Variants in WDR33 observed in about 807,000 individuals in gnomAD.
WDR33 encodes WD repeat domain 33.
A neutral mutation model predicts 164.9 loss-of-function variants in WDR33; 47 were observed. The observed-to-expected ratio is 0.29, with a 90% CI of 0.23 to 0.36. The LOEUF (loss-of-function observed/expected upper bound fraction) is 0.36, where lower values mean the gene tolerates loss of function less well. Ranked by LOEUF, WDR33 falls within the 10% of genes least tolerant of loss-of-function variation. The pLI, the probability that WDR33 is intolerant of heterozygous loss-of-function variation, is 1.00. For synonymous variants in WDR33, 505 were observed against 589.0 expected, an observed-to-expected ratio of 0.86 and a Z score of 2.06; for missense variants, 1,137 against 1,754.1, an observed-to-expected ratio of 0.65 and a Z score of 6.28.
At chr2:127,744,241 C>T (rs1687105673) in intron 7 of WDR33, among the ~76,000 whole-genome samples, 1 of 152,108 alleles carries the variant, frequency 6.6e-6, no homozygotes, top group Admixed American at 6.6e-5. Flanking sequence ...TGAGTTTATT[C>T]TTAGGAGTCT....
At chr2:127,746,013 A>G (rs1027347705) in intron 7 of WDR33, among the ~76,000 whole-genome samples, 2 of 148,318 alleles carry the variant, frequency 1.3e-5, no homozygotes. Context: ...AGACAGAGCG[A>G]GACTCTGTCT....
At position 127,724,048 on chromosome 2, in the gene WDR33, A is replaced by G. The variant is rs1686505240; in HGVS notation, c.1196+285T>C. 6.6e-6 allele frequency among the ~76,000 whole-genome samples: 1 copy of G among 151,094 alleles called. No individual in the cohort carries two copies. Among genetic ancestry groups the G allele is most frequent in the African/African-American group, 2.5e-5 (1 of 40,722 alleles). ...AGCTGAGACCGCACCATTGCACGCC[A>G]GCCTGGACAGAGACCCTGTCTCAAA... On this transcript the variant is annotated intron_variant, in intron 11 of 21. Coordinates refer to ENST00000322313, the MANE Select transcript of WDR33 (RefSeq NM_018383.5). The surrounding 1 kb of genome is among the most constrained non-coding windows in gnomAD (Gnocchi z 4.8).
chr2:127,755,091 T>C (rs768650114), intron 7 of WDR33, among the ~76,000 whole-genome samples: 1 of 152,212 alleles, frequency 6.6e-6, no homozygotes, highest in Non-Finnish European at 1.5e-5. Context: ...TGAACTCTAA[T>C]TAACCAATCT....
At chr2:127,747,133 T>C (rs1362152279) in intron 7 of WDR33, among the ~76,000 whole-genome samples, 1 of 152,242 alleles carries the variant, frequency 6.6e-6, no homozygotes, top group African/African-American at 2.4e-5. Context: ...CACAAATCTA[T>C]GTGTCTAAAT....
chr2:127,781,999 T>TAAA (rs764718254), intron 1 of WDR33, among the ~76,000 whole-genome samples: 1,704 of 90,100 alleles, frequency 0.019, 64 homozygotes, highest in African/African-American at 0.068. Flanking sequence ...ACTCTTTTTC[T>TAAA]AAAAAAAAAA....
At chr2:127,731,021 C>T (rs4662755) in intron 7 of WDR33, among the ~76,000 whole-genome samples, 1 of 151,782 alleles carries the variant, frequency 6.6e-6, no homozygotes, top group African/African-American at 2.4e-5. Context: ...TGATCAGGCA[C>T]GGTGGCGCAT....
intron 7 of WDR33, among the ~76,000 whole-genome samples, chr2:127,733,446 A>G (rs1183457367): frequency 6.6e-6 from 1 of 152,222 alleles, no homozygotes; most frequent in Non-Finnish European, 1.5e-5. Flanking sequence ...AAATTAAGAC[A>G]TTCCAGTTGT....
rs1687963198 is a variant in WDR33, at chr2:127,770,421, G to A, written c.204+357C>T. On this transcript the variant is annotated intron_variant, in intron 2 of 21. Transcript: ENST00000322313. This position sits in a 1 kb window ranked among gnomAD's most constrained non-coding sequence, Gnocchi z 4.9. Reference sequence around the variant, plus strand: ...TTTAAATAACCAGGCCGGGCGCAGTGGCTCATGCCTGTAATCCCAGCACTT... The same window carrying A: ...TTTAAATAACCAGGCCGGGCGCAGTAGCTCATGCCTGTAATCCCAGCACTT... Among the ~76,000 whole-genome samples, 1 of 152,170 alleles carries A rather than the reference G, an allele frequency of 6.6e-6. No homozygotes were observed. Among genetic ancestry groups the A allele is most frequent in the South Asian group, 2.1e-4 (1 of 4,836 alleles).
chr2:127,788,321 C>T (rs1372869984), intron 1 of WDR33, among the ~76,000 whole-genome samples: 5 of 116,818 alleles, frequency 4.3e-5, no homozygotes, highest in Admixed American at 7.6e-5. Flanking sequence ...CCCTCCCGGA[C>T]GGGGCGGCTG....
At chr2:127,736,871 A>C (rs1481656916) in intron 7 of WDR33, 6 of 985,342 alleles carry the variant, frequency 6.1e-6, no homozygotes, top group Non-Finnish European at 4.8e-6. Context: ...TATAAACAGG[A>C]AAGTGCACAA....
chr2:127,771,950 G>C (rs1236813159), intron 1 of WDR33, among the ~76,000 whole-genome samples: 1 of 152,172 alleles, frequency 6.6e-6, no homozygotes, highest in African/African-American at 2.4e-5. Context: ...ACGTGTTTAT[G>C]CTTAGGGAAT....
intron 7 of WDR33, among the ~76,000 whole-genome samples, chr2:127,742,460 A>C (rs985551375): frequency 3.5e-4 from 52 of 149,758 alleles, no homozygotes; most frequent in Non-Finnish European, 1.2e-4. Flanking sequence ...CCAGGAGGTC[A>C]TGCCTACAGT....
At position 127,716,585 on chromosome 2, in the gene WDR33, C is replaced by T. The variant is rs533978396; in HGVS notation, c.2869+570G>A. On this transcript the variant is annotated intron_variant, in intron 17 of 21. Coordinates refer to ENST00000322313, the MANE Select transcript of WDR33 (RefSeq NM_018383.5). This position sits in a 1 kb window ranked among gnomAD's most constrained non-coding sequence, Gnocchi z 4.5. ...CCATGGTGCCCTGCGTGCTCTCCTTCAACCCTTAGGATTAACTCTAAACTT... is the reference window on the plus strand; with the variant it reads ...CCATGGTGCCCTGCGTGCTCTCCTTTAACCCTTAGGATTAACTCTAAACTT... 2.0e-5 allele frequency among the ~76,000 whole-genome samples: 3 copies of T among 152,350 alleles called. No individual in the cohort carries two copies. Among genetic ancestry groups the T allele is most frequent in the East Asian group, 1.9e-4 (1 of 5,190 alleles).
At chr2:127,737,755 T>C (rs1686891566) in intron 7 of WDR33, 2 of 1,223,478 alleles carry the variant, frequency 1.6e-6, no homozygotes, top group African/African-American at 1.6e-5. Context: ...AGCAGTCCTT[T>C]TGAAAGCAAG....
rs1686227078 is a variant in WDR33, at chr2:127,713,510, A to G, written c.3308+73T>C. ...TCTCTTTCCTCAAGAAAAAGAAGAA[A>G]GAGACCTTTGTGGAGACAGCAGATA... On this transcript the variant is annotated intron_variant, in intron 18 of 21. Coordinates refer to ENST00000322313, the MANE Select transcript of WDR33 (RefSeq NM_018383.5). The surrounding 1 kb of genome is among the most constrained non-coding windows in gnomAD (Gnocchi z 6.2). 3 of 1,511,576 alleles carry G rather than the reference A, an allele frequency of 2.0e-6. No individual in the cohort carries two copies. In the Admixed American group the frequency reaches 5.9e-5, roughly 29 times the overall value. The allele number at this position is 1,511,576 out of a possible 1,614,324, so 93.6% of individuals were successfully genotyped here. A position where few individuals can be genotyped will look rare whatever the true frequency, so the allele number is the denominator to read the frequency against.
rs935357272 is a variant in WDR33, at chr2:127,718,518, T to C, written c.2760+747A>G. Among the ~76,000 whole-genome samples the C allele has an allele frequency of 6.6e-6, 1 of 152,178 alleles. No individual in the cohort carries two copies. The highest frequency in any genetic ancestry group is 2.4e-5 in the African/African-American group (1 of 41,448). ...ATTCACTCCCCCAAGCAACCTGAAC[T>C]TTCCTCACACCATCTCTCAAGCACG... is the stretch of plus-strand genomic sequence containing the variant. On this transcript the variant is annotated intron_variant, in intron 16 of 21. Transcript: ENST00000322313. The surrounding 1 kb of genome is among the most constrained non-coding windows in gnomAD (Gnocchi z 4.4).
intron 7 of WDR33, among the ~76,000 whole-genome samples, chr2:127,728,078 A>G (rs1686614389): frequency 6.6e-6 from 1 of 152,258 alleles, no homozygotes. Flanking sequence ...GAGAAAGTAC[A>G]TCTCCTACAA....
intron 7 of WDR33, among the ~76,000 whole-genome samples, chr2:127,757,384 G>A (rs1687550345): frequency 6.6e-6 from 1 of 152,124 alleles, no homozygotes; most frequent in African/African-American, 2.4e-5. Context: ...TGCTTTAGAT[G>A]TTAAATATCA....
chr2:127,773,635 T>G (rs1337528599), intron 1 of WDR33, among the ~76,000 whole-genome samples: 1 of 152,232 alleles, frequency 6.6e-6, no homozygotes, highest in East Asian at 1.9e-4. Flanking sequence ...AGCAGTTGAT[T>G]CAATAAGGCT....
Sources: allele counts gnomAD v4.1 joint callset (sites outside exome capture counted in the v4.1 genomes callset), GRCh38; gene constraint gnomAD v4.1.1; non-coding constraint Gnocchi (gnomAD v3.1); transcripts MANE v1.5; gene names NCBI Gene and HGNC (gene_info 2026-07-23, HGNC 2026-07-21).